Variants in CNTN4 observed in about 807,000 individuals in gnomAD.
The protein encoded by CNTN4 is contactin-4.
CNTN4 carries 77 observed loss-of-function variants against 122.5 expected under a neutral mutation model. The ratio of observed to expected loss-of-function variants is 0.63; its 90% CI spans 0.52 to 0.76. The LOEUF is 0.76. Ranked by LOEUF, CNTN4 falls within the 30% of genes least tolerant of loss-of-function variation. The pLI, the probability that CNTN4 is intolerant of heterozygous loss-of-function variation, is 0.00. For missense variants in CNTN4, 1,256 were observed against 1,259.1 expected, an observed-to-expected ratio of 1.00 and a Z score of 0.04; for synonymous variants, 512 against 447.0, an observed-to-expected ratio of 1.15 and a Z score of -1.83.
At chr3:2,675,027 C>A (rs1463267237) in intron 4 of CNTN4, among the ~76,000 whole-genome samples, 1 of 151,922 alleles carries the variant, frequency 6.6e-6, no homozygotes, top group Admixed American at 6.6e-5. Flanking sequence ...AAAGCACAGG[C>A]AACAAAAGCA....
chr3:2,371,609 T>A (rs1030619344), intron 3 of CNTN4, among the ~76,000 whole-genome samples: 1 of 152,214 alleles, frequency 6.6e-6, no homozygotes, highest in Non-Finnish European at 1.5e-5. Context: ...TGAGTGGTTG[T>A]TTTTGTATTT....
intron 3 of CNTN4, among the ~76,000 whole-genome samples, chr3:2,561,983 C>T (rs1283744029): frequency 6.6e-6 from 1 of 152,018 alleles, no homozygotes; most frequent in African/African-American, 2.4e-5. Context: ...CATGTATTTT[C>T]CTGTCTTGAA....
chr3:2,916,492 C>G (rs898470784), intron 12 of CNTN4, among the ~76,000 whole-genome samples: 23 of 148,204 alleles, frequency 1.6e-4, no homozygotes, highest in African/African-American at 5.8e-4. Context: ...GGACACAACA[C>G]ATGTTTCAGA....
chr3:2,917,193 CG>C (rs921876584), intron 12 of CNTN4, among the ~76,000 whole-genome samples: 26 of 151,148 alleles, frequency 1.7e-4, no homozygotes, highest in Admixed American at 1.2e-3. Flanking sequence ...CGCAGGCAGT[CG>C]GCAGGCTGAG....
chr3:2,498,991 T>C (rs2076525224), intron 3 of CNTN4, among the ~76,000 whole-genome samples: 2 of 152,132 alleles, frequency 1.3e-5, no homozygotes, highest in Admixed American at 6.5e-5. Context: ...GGTTTCAACA[T>C]GTTGGCCAGG....
At chr3:2,119,960 A>G (rs1219926283) in intron 2 of CNTN4, among the ~76,000 whole-genome samples, 1 of 152,160 alleles carries the variant, frequency 6.6e-6, no homozygotes, top group African/African-American at 2.4e-5. Flanking sequence ...TGTAGGTGGC[A>G]GAGTCAAGAA....
At chr3:2,851,781 G>T (rs768339285) in intron 7 of CNTN4, among the ~76,000 whole-genome samples, 2 of 152,132 alleles carry the variant, frequency 1.3e-5, no homozygotes, top group African/African-American at 4.8e-5. Flanking sequence ...CACTGTAAAA[G>T]AAAAGATCAT....
intron 3 of CNTN4, among the ~76,000 whole-genome samples, chr3:2,439,454 G>T (rs1304326379): frequency 6.6e-6 from 1 of 151,796 alleles, no homozygotes; most frequent in Admixed American, 6.6e-5. Flanking sequence ...TAAAAATCTG[G>T]ATGTTCTTCC....
chr3:2,415,938 G>A (rs1487351403), intron 3 of CNTN4, among the ~76,000 whole-genome samples: 1 of 151,996 alleles, frequency 6.6e-6, no homozygotes, highest in Admixed American at 6.6e-5. Context: ...TTGTTTTACT[G>A]TGCTCTAATA....
chr3:2,392,451 A>C (rs1258321336), intron 3 of CNTN4, among the ~76,000 whole-genome samples: 1 of 152,140 alleles, frequency 6.6e-6, no homozygotes, highest in African/African-American at 2.4e-5. Context: ...AAAAATATGC[A>C]CACAGTCTTC....
chr3:2,240,443 A>T (rs2149605510), intron 2 of CNTN4, among the ~76,000 whole-genome samples: 1 of 152,226 alleles, frequency 6.6e-6, no homozygotes, highest in South Asian at 2.1e-4. Flanking sequence ...AACAGCAGAT[A>T]TCAAATGACC....
chr3:2,153,132 G>T (rs569435540), intron 2 of CNTN4, among the ~76,000 whole-genome samples: 104 of 152,334 alleles, frequency 6.8e-4, no homozygotes, highest in African/African-American at 2.4e-3. Context: ...GTGAAATAGG[G>T]AGTTGGATAT....
At chr3:2,898,322 T>C (rs1029183811) in intron 10 of CNTN4, among the ~76,000 whole-genome samples, 21 of 150,776 alleles carry the variant, frequency 1.4e-4, no homozygotes, top group African/African-American at 5.2e-4. Flanking sequence ...AATTTTACTT[T>C]AAAAATAAAG....
chr3:2,716,897 G>C (rs1325698216), intron 4 of CNTN4, among the ~76,000 whole-genome samples: 2 of 151,944 alleles, frequency 1.3e-5, no homozygotes, highest in East Asian at 1.9e-4. Flanking sequence ...TTCTGTATCT[G>C]CTTCTTTCAC....
At chr3:2,287,489 C>G (rs1019194875) in intron 2 of CNTN4, among the ~76,000 whole-genome samples, 7 of 151,660 alleles carry the variant, frequency 4.6e-5, no homozygotes, top group Admixed American at 1.3e-4. Flanking sequence ...GTAGTCCCAG[C>G]TACTTGAGTG....
At chr3:2,280,714 G>A (rs1487584748) in intron 2 of CNTN4, among the ~76,000 whole-genome samples, 1 of 152,202 alleles carries the variant, frequency 6.6e-6, no homozygotes, top group African/African-American at 2.4e-5. Flanking sequence ...TGTATTGCCT[G>A]CTTCCTTTGT....
intron 2 of CNTN4, among the ~76,000 whole-genome samples, chr3:2,119,753 C>T (rs898733854): frequency 5.3e-5 from 8 of 151,428 alleles, no homozygotes; most frequent in African/African-American, 9.7e-5. Context: ...GCTACTAAGC[C>T]GTAGGACCAA....
chr3:2,151,012 A>C (rs1000501802), intron 2 of CNTN4, among the ~76,000 whole-genome samples: 113 of 152,214 alleles, frequency 7.4e-4, no homozygotes, highest in African/African-American at 2.6e-3. Context: ...AAAATGGACA[A>C]ATTCTTTGTT....
At chr3:2,552,369 A>G (rs2078545046) in intron 3 of CNTN4, among the ~76,000 whole-genome samples, 1 of 152,194 alleles carries the variant, frequency 6.6e-6, no homozygotes, top group African/African-American at 2.4e-5. Flanking sequence ...AAAAGAATAA[A>G]TTCTGGAAAA....
Sources: gnomAD v4.1 joint callset for allele counts (sites outside exome capture counted in the v4.1 genomes callset) on GRCh38, gnomAD v4.1.1 for gene constraint, MANE v1.5 for transcripts, NCBI Gene and HGNC (gene_info 2026-07-23, HGNC 2026-07-21) for gene names.